ELOVL5: variants seen among roughly 807,000 people sequenced by gnomAD.
ELOVL5 encodes the protein ELOVL fatty acid elongase 5, also known as very long chain fatty acid elongase 5.
In ELOVL5, 8 loss-of-function variants were observed where a neutral mutation model predicts 38.6. The ratio of observed to expected loss-of-function variants is 0.21; its 90% CI spans 0.12 to 0.37. The LOEUF (loss-of-function observed/expected upper bound fraction) is 0.37, where lower values mean the gene tolerates loss of function less well. Among genes scored for constraint, ELOVL5 ranks in the 10% least tolerant of loss-of-function variants. The pLI is 1.00. For synonymous variants in ELOVL5, 127 were observed against 133.7 expected, an observed-to-expected ratio of 0.95 and a Z score of 0.34; for missense variants, 280 against 367.8, an observed-to-expected ratio of 0.76 and a Z score of 1.95.
chr6:53,275,956 T>C (rs1424245950), intron 4 of ELOVL5, among the ~76,000 whole-genome samples: 1 of 152,238 alleles, frequency 6.6e-6, no homozygotes, highest in South Asian at 2.1e-4. Context: ...CTGCCAATTG[T>C]TAACCGGAGT....
chr6:53,340,074 G>A (rs929762692), intron 1 of ELOVL5, among the ~76,000 whole-genome samples: 1 of 152,064 alleles, frequency 6.6e-6, no homozygotes, highest in Non-Finnish European at 1.5e-5. Context: ...GAGAAAAAAA[G>A]CTTGAAGAAT....
At chr6:53,341,295 A>G (rs1378996478) in intron 1 of ELOVL5, among the ~76,000 whole-genome samples, 1 of 152,234 alleles carries the variant, frequency 6.6e-6, no homozygotes, top group Non-Finnish European at 1.5e-5. Flanking sequence ...TATGTTGATT[A>G]TACCGTCAGC....
At position 53,345,272 on chromosome 6, in the gene ELOVL5, G is replaced by A. The variant is rs551755454; in HGVS notation, c.-9+3545C>T. Among the ~76,000 whole-genome samples the A allele has an allele frequency of 4.6e-5, 7 of 152,258 alleles. No individual in the cohort carries two copies. The East Asian group carries it at 1.3e-3, about 29-fold the overall frequency. On this transcript the variant is annotated intron_variant, in intron 1 of 7. Transcript: ENST00000304434. ...CATCTGAGGGGACTTCAGAGAAATG[G>A]AGCAAAAGTCCTGCCCTCAGGACTT... is the stretch of plus-strand genomic sequence containing the variant.
intron 3 of ELOVL5, chr6:53,287,921 G>A (rs1413178842): frequency 4.6e-6 from 7 of 1,535,594 alleles, no homozygotes; most frequent in African/African-American, 4.1e-5. Context: ...CAGGCAGATC[G>A]ACGGGGTTGC....
At chr6:53,288,329 A>G in intron 3 of ELOVL5, among the ~76,000 whole-genome samples, 1 of 152,186 alleles carries the variant, frequency 6.6e-6, no homozygotes, top group Admixed American at 6.5e-5. Context: ...AGTTTGCTGT[A>G]AGGGCATCGT....
At chr6:53,343,254 C>A (rs1769403848) in intron 1 of ELOVL5, among the ~76,000 whole-genome samples, 1 of 148,862 alleles carries the variant, frequency 6.7e-6, no homozygotes, top group Non-Finnish European at 1.5e-5. Context: ...GCTCTGTCAC[C>A]CAGGCCGGAG....
At chr6:53,271,271 G>A (rs575889547) in intron 6 of ELOVL5, among the ~76,000 whole-genome samples, 3 of 151,968 alleles carry the variant, frequency 2.0e-5, no homozygotes, top group African/African-American at 7.2e-5. Flanking sequence ...CTAGGCTCAG[G>A]CCGGGCGTGG....
intron 3 of ELOVL5, among the ~76,000 whole-genome samples, chr6:53,280,525 C>T (rs185198863): frequency 6.6e-6 from 1 of 152,204 alleles, no homozygotes; most frequent in East Asian, 1.9e-4. Context: ...TGGTTTCATG[C>T]ACCTTTTCAA....
At chr6:53,316,363 G>A (rs1253332046) in intron 1 of ELOVL5, among the ~76,000 whole-genome samples, 1 of 152,156 alleles carries the variant, frequency 6.6e-6, no homozygotes, top group East Asian at 1.9e-4. Context: ...TTAATACAGA[G>A]CAGTCAATTC....
chr6:53,326,223 T>G (rs879409251), intron 1 of ELOVL5, among the ~76,000 whole-genome samples: 1 of 152,214 alleles, frequency 6.6e-6, no homozygotes, highest in Non-Finnish European at 1.5e-5. Flanking sequence ...AAGGCCCATT[T>G]TCTTTCCTGT....
chr6:53,334,226 C>T (rs1467785438), intron 1 of ELOVL5, among the ~76,000 whole-genome samples: 1 of 152,082 alleles, frequency 6.6e-6, no homozygotes, highest in African/African-American at 2.4e-5. Flanking sequence ...CACAAGCCAT[C>T]AAGTTCTGTT....
chr6:53,272,525 A>G (rs1403062395), intron 6 of ELOVL5, among the ~76,000 whole-genome samples: 1 of 152,246 alleles, frequency 6.6e-6, no homozygotes, highest in Non-Finnish European at 1.5e-5. Flanking sequence ...CTAAACACTT[A>G]GGAAATGTCA....
chr6:53,305,101 G>T (rs1162934390), intron 1 of ELOVL5, among the ~76,000 whole-genome samples: 1 of 149,498 alleles, frequency 6.7e-6, no homozygotes, highest in Non-Finnish European at 1.5e-5. Context: ...CGCTGGGCAG[G>T]GGGCTGACCC....
In ELOVL5 at chr6:53,317,623, G is replaced by A. The variant is rs549411567; in HGVS notation, c.-8-21916C>T. Among the ~76,000 whole-genome samples the A allele has an allele frequency of 5.3e-4, 81 of 151,642 alleles. 1 individual carries two copies. Among genetic ancestry groups the A allele is most frequent in the South Asian group, 3.8e-3 (18 of 4,788 alleles). On this transcript the variant is annotated intron_variant, in intron 1 of 7. Coordinates refer to ENST00000304434, the MANE Select transcript of ELOVL5 (RefSeq NM_021814.5). ...AACACATGGACATAGGAAGGGGAGC[G>A]TCACACCACGGGGACTGTTGTGGGG...
intron 1 of ELOVL5, among the ~76,000 whole-genome samples, chr6:53,320,160 A>C (rs1205838012): frequency 1.3e-5 from 2 of 151,582 alleles, no homozygotes; most frequent in Non-Finnish European, 2.9e-5. Context: ...ACTAAAAATA[A>C]AAAAAAATTA....
chr6:53,293,862 C>T (rs1259741403), intron 2 of ELOVL5, among the ~76,000 whole-genome samples: 2 of 152,158 alleles, frequency 1.3e-5, no homozygotes, highest in Admixed American at 6.5e-5. Flanking sequence ...GCTATGGTCA[C>T]GGAGGGTGTT....
intron 1 of ELOVL5, among the ~76,000 whole-genome samples, chr6:53,335,123 C>T (rs943171736): frequency 2.0e-4 from 30 of 152,168 alleles, no homozygotes; most frequent in African/African-American, 5.3e-4. Context: ...CTCTTGATCC[C>T]CAAAGCCACT....
At chr6:53,287,604 C>A (rs2127572772) in intron 3 of ELOVL5, among the ~76,000 whole-genome samples, 1 of 152,348 alleles carries the variant, frequency 6.6e-6, no homozygotes, top group Middle Eastern at 3.4e-3. Context: ...TTAGTACGCT[C>A]ATGGCTTCAC....
intron 1 of ELOVL5, among the ~76,000 whole-genome samples, chr6:53,318,669 G>A (rs1037100771): frequency 7.9e-5 from 12 of 151,856 alleles, no homozygotes; most frequent in Non-Finnish European, 1.8e-4. Context: ...GAGCCCAGGC[G>A]GTGCTGGCTG....
Sources: allele counts gnomAD v4.1 joint callset (sites outside exome capture counted in the v4.1 genomes callset), GRCh38; gene constraint gnomAD v4.1.1; transcripts MANE v1.5; gene names NCBI Gene and HGNC (gene_info 2026-07-23, HGNC 2026-07-21).